Variants in PTPRG observed in about 807,000 individuals in gnomAD.
PTPRG encodes the protein protein tyrosine phosphatase receptor type G.
PTPRG carries 102 observed loss-of-function variants against 165.3 expected under a neutral mutation model. That is an observed-to-expected ratio of 0.62 (90% CI 0.53 to 0.73). The LOEUF is 0.73. Among genes scored for constraint, PTPRG ranks in the 30% least tolerant of loss-of-function variants. PTPRG has a pLI of 0.00. For missense variants in PTPRG, 1,866 were observed against 1,861.4 expected (o/e 1.00, Z -0.05); for synonymous variants, 675 against 669.5 (o/e 1.01, Z -0.13).
At chr3:62,142,009 G>A (rs1230358236) in intron 6 of PTPRG, among the ~76,000 whole-genome samples, 1 of 151,314 alleles carries the variant, frequency 6.6e-6, no homozygotes, top group South Asian at 2.1e-4. Context: ...TAAAGACGTA[G>A]TGGTGCAGTC....
chr3:61,816,988 TA>T (rs2035783344), intron 2 of PTPRG, among the ~76,000 whole-genome samples: 1 of 129,002 alleles, frequency 7.8e-6, no homozygotes, highest in Admixed American at 9.2e-5. Context: ...ATATATATTA[TA>T]TATATATTAT....
At chr3:61,785,608 C>T (rs2034672045) in intron 2 of PTPRG, among the ~76,000 whole-genome samples, 2 of 152,042 alleles carry the variant, frequency 1.3e-5, no homozygotes, top group Non-Finnish European at 2.9e-5. Flanking sequence ...AATGATAGTG[C>T]CCACTTGATA....
At chr3:61,914,894 C>T (rs1327891821) in intron 2 of PTPRG, among the ~76,000 whole-genome samples, 3 of 152,082 alleles carry the variant, frequency 2.0e-5, no homozygotes, top group African/African-American at 7.2e-5. Context: ...CCAAATGTTA[C>T]CATATTGTTT....
intron 4 of PTPRG, among the ~76,000 whole-genome samples, chr3:62,066,202 G>A (rs182546205): frequency 1.1e-4 from 17 of 152,278 alleles, no homozygotes; most frequent in Admixed American, 7.8e-4. Context: ...AAAACATGAC[G>A]AGGTGGAAAA....
chr3:61,988,295 A>G (rs1174475563), intron 2 of PTPRG, among the ~76,000 whole-genome samples: 1 of 152,156 alleles, frequency 6.6e-6, no homozygotes, highest in East Asian at 1.9e-4. Context: ...AACCTCCCTT[A>G]CCATAATGGA....
At chr3:61,768,793 G>A (rs1218626608) in intron 2 of PTPRG, among the ~76,000 whole-genome samples, 1 of 152,030 alleles carries the variant, frequency 6.6e-6, no homozygotes, top group Non-Finnish European at 1.5e-5. Context: ...GCCCAGGGAA[G>A]AGGGGTATGG....
chr3:62,093,792 C>T (rs1702021820), intron 5 of PTPRG, among the ~76,000 whole-genome samples: 2 of 152,196 alleles, frequency 1.3e-5, no homozygotes, highest in South Asian at 4.1e-4. Context: ...CTTGCTTTTC[C>T]TTTTAGTGAA....
intron 1 of PTPRG, among the ~76,000 whole-genome samples, chr3:61,615,615 T>C (rs1168566122): frequency 1.3e-5 from 2 of 152,238 alleles, no homozygotes; most frequent in African/African-American, 2.4e-5. Flanking sequence ...TTGAGACTGC[T>C]TTCCATAAAC....
intron 6 of PTPRG, among the ~76,000 whole-genome samples, chr3:62,140,895 T>C (rs888684483): frequency 3.3e-5 from 5 of 150,012 alleles, no homozygotes; most frequent in African/African-American, 1.2e-4. Context: ...GAGGAATATA[T>C]TGAGTGAAAA....
intron 4 of PTPRG, among the ~76,000 whole-genome samples, chr3:62,024,371 A>T (rs1198649505): frequency 6.6e-6 from 1 of 151,046 alleles, no homozygotes; most frequent in Non-Finnish European, 1.5e-5. Flanking sequence ...GGCAATAGTG[A>T]TAATGAAAGG....
At chr3:62,284,211 AT>A (rs1702554628) in intron 28 of PTPRG, among the ~76,000 whole-genome samples, 1 of 152,134 alleles carries the variant, frequency 6.6e-6, no homozygotes, top group African/African-American at 2.4e-5. Context: ...CTAATCTTAT[AT>A]TTTAGGGTAA....
intron 8 of PTPRG, among the ~76,000 whole-genome samples, chr3:62,174,964 T>G (rs2106755680): frequency 6.6e-6 from 1 of 152,310 alleles, no homozygotes; most frequent in East Asian, 1.9e-4. Flanking sequence ...TGATTTGTCA[T>G]TCTTTTTTTA....
Position 62,240,783 on chromosome 3 carries a change from T to C in PTPRG, c.2376-3024T>C, listed in dbSNP as rs554802947. On this transcript the variant is annotated intron_variant, in intron 14 of 29. Coordinates refer to ENST00000474889, the MANE Select transcript of PTPRG (RefSeq NM_002841.4). This position sits in a 1 kb window ranked among gnomAD's most constrained non-coding sequence, Gnocchi z 5.1. ...AGAGTTTTACAGGGTTAGACCTCCT[T>C]AATCAGGCCTCAGCTCAAATGCCAC... is the stretch of plus-strand genomic sequence containing the variant. 5.3e-5 allele frequency among the ~76,000 whole-genome samples: 8 copies of C among 152,196 alleles called. No individual in the cohort carries two copies. The highest frequency in any genetic ancestry group is 1.2e-4 in the Non-Finnish European group (8 of 68,026).
At chr3:62,053,508 C>T (rs1037582063) in intron 4 of PTPRG, among the ~76,000 whole-genome samples, 1 of 152,106 alleles carries the variant, frequency 6.6e-6, no homozygotes, top group Admixed American at 6.6e-5. Flanking sequence ...CTCAGATAAT[C>T]CACCCACCTC....
intron 1 of PTPRG, among the ~76,000 whole-genome samples, chr3:61,716,521 T>C (rs556994235): frequency 6.6e-6 from 1 of 152,278 alleles, no homozygotes; most frequent in African/African-American, 2.4e-5. Context: ...AGTGGTATAT[T>C]TATTACTCAT....
Position 62,273,638 on chromosome 3 carries a change from A to G in PTPRG, c.3319-60A>G. 6.5e-7 allele frequency: 1 copy of G among 1,546,360 alleles called. No individual in the cohort carries two copies. Among genetic ancestry groups the G allele is most frequent in the Non-Finnish European group, 8.9e-7 (1 of 1,121,780 alleles). On this transcript the variant is annotated intron_variant, in intron 22 of 29. Coordinates refer to ENST00000474889, the MANE Select transcript of PTPRG (RefSeq NM_002841.4). The surrounding 1 kb of genome is among the most constrained non-coding windows in gnomAD (Gnocchi z 4.1). The stretch of plus-strand genomic sequence containing the variant: ...GCAGAATTAAACTAAGGTACACTTC[A>G]TGAATGAGTGGCTAACCCTTAACAC...
chr3:61,899,373 T>TA (rs1397755524), intron 2 of PTPRG, among the ~76,000 whole-genome samples: 2 of 152,132 alleles, frequency 1.3e-5, no homozygotes, highest in Non-Finnish European at 2.9e-5. Context: ...TATTTTTAGG[T>TA]AAAAGGAACG....
intron 2 of PTPRG, among the ~76,000 whole-genome samples, chr3:61,837,002 C>T (rs1290151995): frequency 6.6e-6 from 1 of 152,156 alleles, no homozygotes; most frequent in African/African-American, 2.4e-5. Flanking sequence ...CCTTCACCTC[C>T]TGGGTTAAAG....
At chr3:61,712,526 G>C (rs1437223152) in intron 1 of PTPRG, among the ~76,000 whole-genome samples, 2 of 152,092 alleles carry the variant, frequency 1.3e-5, no homozygotes, top group Non-Finnish European at 1.5e-5. Flanking sequence ...TGCTGTTCTC[G>C]TGATAGTGAG....
Sources: allele counts gnomAD v4.1 joint callset (sites outside exome capture counted in the v4.1 genomes callset), GRCh38; gene constraint gnomAD v4.1.1; non-coding constraint Gnocchi (gnomAD v3.1); transcripts MANE v1.5; gene names NCBI Gene and HGNC (gene_info 2026-07-23, HGNC 2026-07-21).